The following SRGAP3 variants were observed in gnomAD, a reference collection of about 807,000 sequenced individuals.
SRGAP3 encodes SLIT-ROBO Rho GTPase activating protein 3.
A neutral mutation model predicts 121.1 loss-of-function variants in SRGAP3; 39 were observed. The ratio of observed to expected loss-of-function variants is 0.32; its 90% CI spans 0.25 to 0.42. The LOEUF (loss-of-function observed/expected upper bound fraction) is 0.42, where lower values mean the gene tolerates loss of function less well. Ranked by LOEUF, SRGAP3 falls within the 10% of genes least tolerant of loss-of-function variation. The pLI is 1.00. For missense variants in SRGAP3, 1,213 were observed against 1,470.6 expected (o/e 0.82, Z 2.86); for synonymous variants, 601 against 570.0 (o/e 1.05, Z -0.77).
chr3:9,343,781 C>T (rs962777382), intron 1 of SRGAP3, among the ~76,000 whole-genome samples: 6 of 152,140 alleles, frequency 3.9e-5, no homozygotes, highest in South Asian at 4.1e-4. Flanking sequence ...AGCTATCCTC[C>T]GACCTCAGCA....
chr3:9,114,757 G>A (rs777970853), intron 2 of SRGAP3, among the ~76,000 whole-genome samples: 11 of 152,214 alleles, frequency 7.2e-5, no homozygotes, highest in South Asian at 4.1e-4. Flanking sequence ...GGGTGGCACC[G>A]TGTGGCATGT....
chr3:9,310,720 T>G (rs2125278206), intron 3 of SRGAP3, among the ~76,000 whole-genome samples: 1 of 152,308 alleles, frequency 6.6e-6, no homozygotes, highest in South Asian at 2.1e-4. Context: ...AGGATCAAAC[T>G]AGGTCTTTAG....
Position 8,982,712 on chromosome 3 carries a change from G to C in SRGAP3, c.*2807C>G, listed in dbSNP as rs1941482007. On this transcript the variant is annotated 3_prime_UTR_variant, in exon 22 of 22. Transcript: ENST00000383836. ...CAGATGAGGAAGTGGGAACAGGGGA[G>C]GGGGGCGGGAAAGTATTTTTCCACT... The C allele has an allele frequency of 7.9e-6, 1 of 125,904 alleles. No individual in the cohort carries two copies. The highest frequency in any genetic ancestry group is 9.0e-5 in the Admixed American group (1 of 11,120). 7.8% of individuals were successfully genotyped at this position (125,904 alleles called of 1,614,324 possible). A position where few individuals can be genotyped will look rare whatever the true frequency, so the allele number is the denominator to read the frequency against.
rs762052750 is a variant in SRGAP3, at chr3:8,990,851, C to T, written c.2559-12G>A. The T allele has an allele frequency of 3.3e-6, 5 of 1,504,378 alleles. No individual in the cohort carries two copies. The highest frequency in any genetic ancestry group is 4.4e-6 in the Non-Finnish European group (5 of 1,134,608). 93.2% of individuals were successfully genotyped at this position (1,504,378 alleles called of 1,614,324 possible). ...ATCGTAACCGCACTCTGCAAAGGAGCCAGGGGGCGAGGGGCATGGGGCAGA... is the reference window on the plus strand; with the variant it reads ...ATCGTAACCGCACTCTGCAAAGGAGTCAGGGGGCGAGGGGCATGGGGCAGA... On this transcript the variant is annotated splice_polypyrimidine_tract_variant and intron_variant, in intron 20 of 21. Coordinates refer to ENST00000383836, the MANE Select transcript of SRGAP3 (RefSeq NM_014850.4).
intron 2 of SRGAP3, among the ~76,000 whole-genome samples, chr3:9,327,953 CT>C (rs1456590176): frequency 1.3e-5 from 2 of 152,190 alleles, no homozygotes; most frequent in African/African-American, 2.4e-5. Context: ...TGCATAGTTA[CT>C]GGGTATGGTT....
intron 1 of SRGAP3, among the ~76,000 whole-genome samples, chr3:9,153,940 G>A (rs978092796): frequency 2.6e-5 from 4 of 152,132 alleles, no homozygotes; most frequent in Admixed American, 6.5e-5. Context: ...GCAGCAGTCC[G>A]GGGCTCCTGA....
At chr3:9,318,710 C>CAAA (rs535662345) in intron 3 of SRGAP3, among the ~76,000 whole-genome samples, 2 of 115,402 alleles carry the variant, frequency 1.7e-5, no homozygotes, top group Non-Finnish European at 3.7e-5. Context: ...CCCATCTGTA[C>CAAA]AAAAAAAAAA....
intron 1 of SRGAP3, among the ~76,000 whole-genome samples, chr3:9,229,927 T>TGA (rs1953136620): frequency 6.6e-6 from 1 of 152,200 alleles, no homozygotes; most frequent in South Asian, 2.1e-4. Context: ...GTATCTGCTA[T>TGA]GTGTCTATTC....
intron 3 of SRGAP3, among the ~76,000 whole-genome samples, chr3:9,080,987 G>A (rs971326113): frequency 2.6e-5 from 4 of 152,058 alleles, no homozygotes; most frequent in African/African-American, 4.8e-5. Flanking sequence ...CAATCATCCC[G>A]AAACCATCGC....
intron 1 of SRGAP3, among the ~76,000 whole-genome samples, chr3:9,225,924 T>C (rs925814): frequency 0.63 from 95,104 of 151,966 alleles, 30,084 homozygotes; most frequent in East Asian, 0.78. Context: ...GGGAAGTCCA[T>C]ATTTTATACA....
chr3:9,282,530 GC>G (rs1954698300), intron 3 of SRGAP3, among the ~76,000 whole-genome samples: 1 of 151,812 alleles, frequency 6.6e-6, no homozygotes, highest in South Asian at 2.1e-4. Context: ...TTACTCTGTC[GC>G]CCAGGCTGGA....
chr3:9,290,376 T>G (rs1954851087), intron 3 of SRGAP3, among the ~76,000 whole-genome samples: 1 of 152,158 alleles, frequency 6.6e-6, no homozygotes, highest in Non-Finnish European at 1.5e-5. Context: ...TGATGAATGG[T>G]CTGATGTTGT....
intron 1 of SRGAP3, among the ~76,000 whole-genome samples, chr3:9,229,192 G>C (rs888397162): frequency 6.6e-6 from 1 of 152,004 alleles, no homozygotes; most frequent in African/African-American, 2.4e-5. Flanking sequence ...TAGGTTCTAC[G>C]ATACAGTCAT....
intron 2 of SRGAP3, among the ~76,000 whole-genome samples, chr3:9,107,287 C>A (rs1948451874): frequency 6.6e-6 from 1 of 152,192 alleles, no homozygotes; most frequent in Admixed American, 6.5e-5. Flanking sequence ...CTTGGAGGGG[C>A]TCACTGCTGA....
intron 8 of SRGAP3, among the ~76,000 whole-genome samples, chr3:9,054,891 G>A (rs145605099): frequency 2.1e-3 from 324 of 152,224 alleles, no homozygotes; most frequent in African/African-American, 7.5e-3. Context: ...TCTTTCTAAC[G>A]CAGCATGACA....
At chr3:9,198,288 T>C (rs1005654542) in intron 1 of SRGAP3, among the ~76,000 whole-genome samples, 2 of 152,258 alleles carry the variant, frequency 1.3e-5, no homozygotes, top group African/African-American at 4.8e-5. Flanking sequence ...ATTTAATGTT[T>C]GTCGTGCCTT....
chr3:9,178,947 G>T (rs1369599067), intron 1 of SRGAP3, among the ~76,000 whole-genome samples: 1 of 152,108 alleles, frequency 6.6e-6, no homozygotes, highest in Non-Finnish European at 1.5e-5. Flanking sequence ...CACCTCCTTT[G>T]CTGTACTGAC....
chr3:9,299,051 C>CAAA (rs71049787), intron 3 of SRGAP3, among the ~76,000 whole-genome samples: 28 of 70,366 alleles, frequency 4.0e-4, no homozygotes, highest in East Asian at 2.1e-3. Context: ...GACTCCATCT[C>CAAA]AAAAAAAAAA....
chr3:9,180,623 C>T (rs939510807), intron 1 of SRGAP3, among the ~76,000 whole-genome samples: 27 of 152,346 alleles, frequency 1.8e-4, no homozygotes, highest in African/African-American at 5.8e-4. Flanking sequence ...TGCAATCACA[C>T]GAGAAACCCA....
Sources: gnomAD v4.1 joint callset for allele counts (sites outside exome capture counted in the v4.1 genomes callset) on GRCh38, gnomAD v4.1.1 for gene constraint, MANE v1.5 for transcripts, NCBI Gene and HGNC (gene_info 2026-07-23, HGNC 2026-07-21) for gene names.